The following PTPRD variants were observed in gnomAD, a reference collection of about 807,000 sequenced individuals.
PTPRD encodes receptor-type tyrosine-protein phosphatase delta.
PTPRD carries 34 observed loss-of-function variants against 214.5 expected under a neutral mutation model. The ratio of observed to expected loss-of-function variants is 0.16; its 90% CI spans 0.12 to 0.21. The LOEUF is 0.21. Among genes scored for constraint, PTPRD ranks in the 10% least tolerant of loss-of-function variants. PTPRD has a pLI of 1.00. For synonymous variants in PTPRD, 1,128 were observed against 845.7 expected, an observed-to-expected ratio of 1.33 and a Z score of -5.79; for missense variants, 2,545 against 2,398.7, an observed-to-expected ratio of 1.06 and a Z score of -1.27.
chr9:8,499,906 G>T (rs886902529), intron 24 of PTPRD, 66 bp from the exon 25 acceptor site: 1 of 1,376,894 alleles, frequency 7.3e-7, no homozygotes, highest in Non-Finnish European at 9.7e-7. Context: ...AGCATTTTCT[G>T]CATTTTCTTT....
At chr9:8,550,044 A>G (rs1457890918) in intron 14 of PTPRD, among the ~76,000 whole-genome samples, 1 of 152,220 alleles carries the variant, frequency 6.6e-6, no homozygotes, top group Non-Finnish European at 1.5e-5. Context: ...AGCAAAAGCC[A>G]TAACAGGGAA....
chr9:9,924,606 G>A (rs2083624771), intron 5 of PTPRD, among the ~76,000 whole-genome samples: 1 of 151,540 alleles, frequency 6.6e-6, no homozygotes, highest in African/African-American at 2.4e-5. Flanking sequence ...TCCTTTCCTT[G>A]TTTAGAAACT....
intron 9 of PTPRD, among the ~76,000 whole-genome samples, chr9:9,303,690 T>C (rs1446163096): frequency 1.3e-5 from 2 of 152,002 alleles, no homozygotes; most frequent in African/African-American, 2.4e-5. Flanking sequence ...AAGTGGAAAT[T>C]TGGAAGTGCA....
At chr9:10,534,502 G>A (rs905283826) in intron 2 of PTPRD, among the ~76,000 whole-genome samples, 2 of 151,988 alleles carry the variant, frequency 1.3e-5, no homozygotes, top group Admixed American at 1.3e-4. Context: ...GTTTTGATAT[G>A]AGCTTCCTAG....
intron 10 of PTPRD, among the ~76,000 whole-genome samples, chr9:9,025,184 T>G (rs895897937): frequency 6.6e-6 from 1 of 152,026 alleles, no homozygotes; most frequent in African/African-American, 2.4e-5. Flanking sequence ...TTATTTTTCC[T>G]TTATTACCCT....
At chr9:10,227,887 G>T (rs1040565422) in intron 3 of PTPRD, among the ~76,000 whole-genome samples, 1 of 151,628 alleles carries the variant, frequency 6.6e-6, no homozygotes, top group Admixed American at 6.6e-5. Context: ...CTGAGGACTC[G>T]CAAGACATTT....
chr9:9,350,942 T>C (rs1199796299), intron 9 of PTPRD, among the ~76,000 whole-genome samples: 1 of 152,074 alleles, frequency 6.6e-6, no homozygotes, highest in Admixed American at 6.6e-5. Flanking sequence ...ATCTTTCAAT[T>C]ACAGTGCTTT....
intron 5 of PTPRD, among the ~76,000 whole-genome samples, chr9:9,783,088 T>A (rs1461563063): frequency 6.6e-6 from 1 of 152,186 alleles, no homozygotes; most frequent in African/African-American, 2.4e-5. Context: ...ATCAGTGATT[T>A]TCATTCCTTG....
At chr9:8,529,363 A>G (rs1040711508) in intron 14 of PTPRD, among the ~76,000 whole-genome samples, 2 of 152,088 alleles carry the variant, frequency 1.3e-5, no homozygotes, top group African/African-American at 4.8e-5. Flanking sequence ...GTTCAACCCA[A>G]ATCGATTACT....
chr9:10,194,399 G>A (rs1437597523), intron 3 of PTPRD, among the ~76,000 whole-genome samples: 3 of 127,010 alleles, frequency 2.4e-5, no homozygotes, highest in Non-Finnish European at 4.8e-5. Context: ...GAGAGAGAGA[G>A]CTATTCACAT....
chr9:9,416,377 G>T lies in PTPRD; in HGVS notation c.-236-18895C>A, dbSNP rs913535841. On this transcript the variant is annotated intron_variant, in intron 8 of 45. Coordinates refer to ENST00000381196, the MANE Select transcript of PTPRD (RefSeq NM_002839.4). ...TGAGTCCCAGCTCTCCCACTTAATA[G>T]CTGTGCTCTTTAATGAGCCTCATGT... Among the ~76,000 whole-genome samples, 8 of 152,160 alleles carry T rather than the reference G, an allele frequency of 5.3e-5. No individual in the cohort carries two copies. The South Asian group carries it at 6.2e-4, about 12-fold the overall frequency.
chr9:9,290,447 A>G (rs113931236), intron 9 of PTPRD, among the ~76,000 whole-genome samples: 3 of 151,528 alleles, frequency 2.0e-5, no homozygotes, highest in Non-Finnish European at 3.0e-5. Context: ...CTATGCAGAC[A>G]TTCTCTAGTT....
Position 10,026,431 on chromosome 9 carries a change from G to T in PTPRD, c.-472+7287C>A, listed in dbSNP as rs150733617. On this transcript the variant is annotated intron_variant, in intron 4 of 45. Coordinates refer to ENST00000381196, the MANE Select transcript of PTPRD (RefSeq NM_002839.4). ...GAAATGATTGTGAACATATTTTTTA[G>T]CATCTAAAAATTACTAGAAAAGTCA... Among the ~76,000 whole-genome samples, 593 of 152,228 alleles carry T rather than the reference G, an allele frequency of 3.9e-3. 2 individuals carry two copies. The highest frequency in any genetic ancestry group is 0.014 in the African/African-American group (579 of 41,558).
intron 5 of PTPRD, among the ~76,000 whole-genome samples, chr9:9,863,183 G>C (rs188643167): frequency 5.3e-5 from 8 of 152,252 alleles, no homozygotes; most frequent in Admixed American, 4.6e-4. Flanking sequence ...CCACAGAAAA[G>C]ATGAGAGAGA....
intron 5 of PTPRD, among the ~76,000 whole-genome samples, chr9:9,906,900 C>A (rs913356749): frequency 6.6e-6 from 1 of 151,922 alleles, no homozygotes; most frequent in African/African-American, 2.4e-5. Flanking sequence ...GCTCATAGAA[C>A]TTATTCTTAA....
intron 11 of PTPRD, among the ~76,000 whole-genome samples, chr9:8,919,746 T>C (rs775854943): frequency 6.6e-6 from 1 of 151,896 alleles, no homozygotes; most frequent in East Asian, 1.9e-4. Flanking sequence ...CACATACATG[T>C]ATACATGCAT....
At chr9:9,453,708 A>C (rs183765870) in intron 8 of PTPRD, among the ~76,000 whole-genome samples, 5 of 151,884 alleles carry the variant, frequency 3.3e-5, no homozygotes, top group Admixed American at 2.6e-4. Flanking sequence ...AAGTAACATA[A>C]ACTAAAAGGT....
At chr9:9,068,200 G>A (rs1422128422) in intron 10 of PTPRD, among the ~76,000 whole-genome samples, 1 of 151,730 alleles carries the variant, frequency 6.6e-6, no homozygotes, top group Non-Finnish European at 1.5e-5. Flanking sequence ...TTATTACTGA[G>A]TGCTAGCCCA....
At chr9:9,320,633 T>C (rs1368881965) in intron 9 of PTPRD, among the ~76,000 whole-genome samples, 1 of 152,102 alleles carries the variant, frequency 6.6e-6, no homozygotes, top group Non-Finnish European at 1.5e-5. Context: ...ACTGCCTGGA[T>C]TGAGTAGACC....
Sources: allele counts gnomAD v4.1 joint callset (sites outside exome capture counted in the v4.1 genomes callset), GRCh38; gene constraint gnomAD v4.1.1; transcripts MANE v1.5; gene names NCBI Gene and HGNC (gene_info 2026-07-23, HGNC 2026-07-21).